Variants in FAM193A observed in about 807,000 individuals in gnomAD.
FAM193A encodes protein FAM193A.
Under a neutral mutation model 126.5 loss-of-function variants are expected in FAM193A, and 22 were observed. The observed-to-expected ratio is 0.17, with a 90% CI of 0.12 to 0.25. FAM193A has a LOEUF of 0.25. FAM193A is among the 10% of genes least tolerant of loss of function. FAM193A has a pLI of 1.00. For synonymous variants in FAM193A, 761 were observed against 646.8 expected, an observed-to-expected ratio of 1.18 and a Z score of -2.68; for missense variants, 1,675 against 1,672.8, an observed-to-expected ratio of 1.00 and a Z score of -0.02.
At chr4:2,538,509 T>C (rs1340752185) in intron 1 of FAM193A, among the ~76,000 whole-genome samples, 1 of 152,062 alleles carries the variant, frequency 6.6e-6, no homozygotes, top group Non-Finnish European at 1.5e-5. Flanking sequence ...ATTATTATTA[T>C]ATTGTTACAT....
intron 7 of FAM193A, among the ~76,000 whole-genome samples, chr4:2,649,562 C>CT (rs1488364328): frequency 5.3e-5 from 8 of 151,446 alleles, no homozygotes; most frequent in Middle Eastern, 3.2e-3. Flanking sequence ...GTTTCAGCTA[C>CT]TCGGGAGGCT....
intron 19 of FAM193A, among the ~76,000 whole-genome samples, chr4:2,706,318 CAG>C (rs1718307240): frequency 1.1e-5 from 1 of 94,256 alleles, no homozygotes; most frequent in Non-Finnish European, 2.0e-5. Flanking sequence ...TTTTTTGAGA[CAG>C]AGTTTCACTC....
chr4:2,656,426 C>G (rs1354258002), intron 7 of FAM193A, among the ~76,000 whole-genome samples: 1 of 152,142 alleles, frequency 6.6e-6, no homozygotes, highest in Non-Finnish European at 1.5e-5. Flanking sequence ...TTATCCATAT[C>G]GTTTAGTAAA....
At chr4:2,625,640 C>T (rs2857796) in intron 3 of FAM193A, 3,503 of 342,932 alleles carry the variant, frequency 0.01, 38 homozygotes, top group Middle Eastern at 0.015. Flanking sequence ...TAAGAGCAGC[C>T]TCAGTGAATG....
chr4:2,611,540 C>T (rs979013837), intron 2 of FAM193A, among the ~76,000 whole-genome samples: 9 of 152,286 alleles, frequency 5.9e-5, no homozygotes, highest in African/African-American at 2.2e-4. Flanking sequence ...TACCAAAGTG[C>T]TGGGATTACA....
At chr4:2,722,681 C>T (rs903687523) in intron 20 of FAM193A, among the ~76,000 whole-genome samples, 2 of 152,142 alleles carry the variant, frequency 1.3e-5, no homozygotes, top group Non-Finnish European at 2.9e-5. Flanking sequence ...GGGGATCAGT[C>T]TCATAGAGGC....
intron 1 of FAM193A, among the ~76,000 whole-genome samples, chr4:2,573,688 A>G (rs986046117): frequency 5.9e-5 from 9 of 151,916 alleles, no homozygotes; most frequent in Non-Finnish European, 1.2e-4. Context: ...CTGGGAGCCT[A>G]CCTGTCGGGC....
At chr4:2,541,504 G>GGT in intron 1 of FAM193A, among the ~76,000 whole-genome samples, 1 of 146,758 alleles carries the variant, frequency 6.8e-6, no homozygotes, top group African/African-American at 2.5e-5. Context: ...GGAGAGCAGT[G>GGT]GCGTGATCTT....
chr4:2,602,034 T>C (rs1343429275), intron 2 of FAM193A, among the ~76,000 whole-genome samples: 1 of 151,994 alleles, frequency 6.6e-6, no homozygotes, highest in East Asian at 1.9e-4. Context: ...AGACAGAGTT[T>C]TGCCATGTTG....
intron 7 of FAM193A, among the ~76,000 whole-genome samples, chr4:2,652,949 A>G (rs934370763): frequency 6.6e-6 from 1 of 152,242 alleles, no homozygotes; most frequent in Non-Finnish European, 1.5e-5. Context: ...GTGTTACCAC[A>G]TCTGCAGATG....
At chr4:2,606,326 A>G (rs964120173) in intron 2 of FAM193A, among the ~76,000 whole-genome samples, 7 of 152,140 alleles carry the variant, frequency 4.6e-5, no homozygotes, top group African/African-American at 1.7e-4. Flanking sequence ...TTGGGATTAT[A>G]GGCGTGAGCC....
At chr4:2,576,926 C>T (rs1352818867) in intron 1 of FAM193A, among the ~76,000 whole-genome samples, 1 of 152,224 alleles carries the variant, frequency 6.6e-6, no homozygotes, top group Non-Finnish European at 1.5e-5. Context: ...AGAGATGTAC[C>T]TATTCTCTGA....
chr4:2,650,565 C>T (rs1001096201), intron 7 of FAM193A, among the ~76,000 whole-genome samples: 1 of 152,128 alleles, frequency 6.6e-6, no homozygotes. Flanking sequence ...CTCTGAAGCC[C>T]AGGGAGAGGC....
chr4:2,671,780 GC>G (rs1713822627), intron 12 of FAM193A, among the ~76,000 whole-genome samples: 1 of 152,212 alleles, frequency 6.6e-6, no homozygotes, highest in Non-Finnish European at 1.5e-5. Context: ...GTGGAGCACA[GC>G]CATCCCCTCT....
intron 5 of FAM193A, among the ~76,000 whole-genome samples, chr4:2,638,668 C>A (rs1320870897): frequency 6.6e-6 from 1 of 152,242 alleles, no homozygotes; most frequent in Non-Finnish European, 1.5e-5. Context: ...AGTGGTCTAG[C>A]AGTATCACTG....
At chr4:2,639,024 A>C (rs1441326431) in intron 5 of FAM193A, among the ~76,000 whole-genome samples, 3 of 152,196 alleles carry the variant, frequency 2.0e-5, no homozygotes, top group Admixed American at 6.5e-5. Flanking sequence ...GACAGAGGGA[A>C]GCATGGATTC....
chr4:2,710,403 G>A (rs1226259879), intron 19 of FAM193A, among the ~76,000 whole-genome samples: 1 of 152,024 alleles, frequency 6.6e-6, no homozygotes, highest in African/African-American at 2.4e-5. Flanking sequence ...TCCATCTCCT[G>A]ACCTCATGAT....
chr4:2,700,401 A>G lies in FAM193A; in HGVS notation c.4229A>G (p.Lys1410Arg). The G allele has an allele frequency of 6.2e-7, 1 of 1,614,194 alleles. No homozygotes were observed. The highest frequency in any genetic ancestry group is 8.5e-7 in the Non-Finnish European group (1 of 1,180,038). Residue 1410 changes from lysine (K) to arginine (R), a missense_variant, in exon 19 of 21, where the codon AAG becomes AGG. Coordinates refer to ENST00000637812, the MANE Select transcript of FAM193A (RefSeq NM_001366318.2). ...KKQLNHIKDE[K>R]SNPTPMEPTS... ...CAGCTGAACCACATCAAGGACGAAAAGTCAAACCCAACCCCTATGGAGCCC... is the reference window on the plus strand; with the variant it reads ...CAGCTGAACCACATCAAGGACGAAAGGTCAAACCCAACCCCTATGGAGCCC...
chr4:2,708,248 C>T (rs1281107048), intron 19 of FAM193A: 1 of 400,138 alleles, frequency 2.5e-6, no homozygotes, highest in Non-Finnish European at 5.1e-6. Flanking sequence ...GCCTCAGCCT[C>T]CCAAGTAGTT....
Sources: gnomAD v4.1 joint callset for allele counts (sites outside exome capture counted in the v4.1 genomes callset) on GRCh38, gnomAD v4.1.1 for gene constraint, MANE v1.5 for transcripts, NCBI Gene and HGNC (gene_info 2026-07-23, HGNC 2026-07-21) for gene names.